Variants in DNAH6 observed in about 807,000 individuals in gnomAD.
DNAH6 encodes axonemal beta dynein heavy chain 6.
DNAH6 carries 340 observed loss-of-function variants against 491.4 expected under a neutral mutation model. That is an observed-to-expected ratio of 0.69 (90% CI 0.63 to 0.76). The LOEUF is 0.76. Among genes scored for constraint, DNAH6 ranks in the 30% least tolerant of loss-of-function variants. DNAH6 has a pLI of 0.00. For synonymous variants in DNAH6, 1,603 were observed against 1,686.1 expected, an observed-to-expected ratio of 0.95 and a Z score of 1.21; for missense variants, 4,443 against 4,972.2, an observed-to-expected ratio of 0.89 and a Z score of 3.20.
At position 84,701,141 on chromosome 2, in the gene DNAH6, A is replaced by C. The variant is rs1165456604; in HGVS notation, c.7863A>C (p.Ser2621=). The change falls in exon 49 of 77, where the codon TCA becomes TCC. Residue 2621 remains serine (S), a synonymous_variant. Coordinates refer to ENST00000389394, the MANE Select transcript of DNAH6 (RefSeq NM_001370.2). ...TTTCTGTGTCAAAGACATTTTTCTC[A>C]CAAGTCGATGCTGGAAATGAAGAAC... is the stretch of plus-strand genomic sequence containing the variant. ...ALLSVSKTFF[S]QVDAGNEELK... is the part of the protein sequence containing the mutation. 1 of 1,551,716 alleles carries C rather than the reference A, an allele frequency of 6.4e-7. No individual in the cohort carries two copies. Among genetic ancestry groups the C allele is most frequent in the East Asian group, 2.4e-5 (1 of 40,928 alleles).
chr2:84,678,739 G>T (rs949058276), intron 41 of DNAH6, among the ~76,000 whole-genome samples: 3 of 152,108 alleles, frequency 2.0e-5, no homozygotes, highest in African/African-American at 7.2e-5. Flanking sequence ...CTAAAAACTG[G>T]CTGTGATAAG....
intron 74 of DNAH6, among the ~76,000 whole-genome samples, chr2:84,813,669 G>T (rs1407068851): frequency 1.3e-5 from 2 of 152,174 alleles, no homozygotes; most frequent in Non-Finnish European, 2.9e-5. Context: ...TAGCGAGATT[G>T]GGCTCTGAAA....
intron 64 of DNAH6, among the ~76,000 whole-genome samples, chr2:84,774,314 A>G (rs1675916695): frequency 6.6e-6 from 1 of 152,136 alleles, no homozygotes; most frequent in African/African-American, 2.4e-5. Context: ...CATTTATTAA[A>G]CAGAAAATCT....
chr2:84,502,294 C>T, the DNAH6 span, among the ~76,000 whole-genome samples: 4 of 152,084 alleles, frequency 2.6e-5, no homozygotes, highest in East Asian at 3.8e-4. Context: ...TCATTCGGAG[C>T]GTATTGTTTA....
At chr2:84,529,236 G>T in intron 4 of DNAH6, 70 bp downstream of exon 4, 2 of 1,130,390 alleles carry the variant, frequency 1.8e-6, no homozygotes, top group South Asian at 1.8e-5. Context: ...ATTTATAATT[G>T]ATTGGATATT....
chr2:84,699,205 A>C (rs1024900923), intron 47 of DNAH6, among the ~76,000 whole-genome samples: 3 of 152,054 alleles, frequency 2.0e-5, no homozygotes, highest in Non-Finnish European at 4.4e-5. Flanking sequence ...GAAAAAAAAA[A>C]ACTCCCATAC....
Position 84,704,067 on chromosome 2 carries a change from G to T in DNAH6, c.8230G>T (p.Val2744Phe). 1 of 1,551,148 alleles carries T rather than the reference G, an allele frequency of 6.4e-7. No homozygotes were observed. The highest frequency in any genetic ancestry group is 2.4e-5 in the East Asian group (1 of 40,906). Residue 2744 changes from valine to phenylalanine, a missense_variant and splice_region_variant, in exon 51 of 77, where the codon GTC (valine) becomes TTC (phenylalanine). Around this residue, in one of 3 missense-constraint regions of DNAH6, gnomAD observed 2,977 missense variants for 3,296.6 expected, o/e 0.90. Transcript: ENST00000389394. ...LAVDQESADQVRNTVQEDEAT... is the reference protein window; with the variant it reads ...LAVDQESADQFRNTVQEDEAT... ...TAAGCAGTCATGTTTCAATGGTTAG[G>T]TCCGTAACACTGTGCAGGAGGATGA...
At chr2:84,460,917 C>T in the DNAH6 span, among the ~76,000 whole-genome samples, 1 of 152,124 alleles carries the variant, frequency 6.6e-6, no homozygotes, top group African/African-American at 2.4e-5. Flanking sequence ...CTTTCCTGGG[C>T]CTTGAAGCAT....
the DNAH6 span, among the ~76,000 whole-genome samples, chr2:84,473,092 G>A: frequency 2.6e-5 from 4 of 152,090 alleles, no homozygotes; most frequent in East Asian, 1.9e-4. Context: ...AAAGAGTAAC[G>A]GCCCCTTTGG....
chr2:84,621,463 TGTG>T lies in DNAH6; in HGVS notation c.3987_3989del (p.Trp1329del). 1 of 1,539,744 alleles carries T rather than the reference TGTG, an allele frequency of 6.5e-7. No individual in the cohort carries two copies. The highest frequency in any genetic ancestry group is 1.4e-5 in the African/African-American group (1 of 73,006). ...GTTATCCTGACTGTTTCTCAAATTATGTGGTGCCGTGATTTGACTGAATGTCTG... is the reference window on the plus strand; with the variant it reads ...GTTATCCTGACTGTTTCTCAAATTATGTGCCGTGATTTGACTGAATGTCTG... On this transcript the variant is annotated inframe_deletion, in exon 26 of 77. Coordinates refer to ENST00000389394, the MANE Select transcript of DNAH6 (RefSeq NM_001370.2).
At chr2:84,492,919 A>G in the DNAH6 span, among the ~76,000 whole-genome samples, 1 of 152,190 alleles carries the variant, frequency 6.6e-6, no homozygotes, top group Non-Finnish European at 1.5e-5. Flanking sequence ...CAGCAATGAG[A>G]AATTTTCTAG....
chr2:84,814,184 G>A, intron 75 of DNAH6, 62 bp downstream of exon 75: 2 of 1,507,874 alleles, frequency 1.3e-6, no homozygotes, highest in South Asian at 2.5e-5. Flanking sequence ...GAAGATTTCA[G>A]ACAACCTTCC....
In DNAH6 at chr2:84,673,180, A is replaced by G. The variant is rs182642039; in HGVS notation, c.6612+696A>G. The stretch of plus-strand genomic sequence containing the variant: ...GGAAAGGGAGCGTTTTACACCCCAG[A>G]AGCAGGGAATGTAAAATACTACGGT... On this transcript the variant is annotated intron_variant, in intron 40 of 76. Transcript: ENST00000389394. Among the ~76,000 whole-genome samples, 538 of 152,260 alleles carry G rather than the reference A, an allele frequency of 3.5e-3. 1 individual carries two copies. The highest frequency in any genetic ancestry group is 0.012 in the African/African-American group (490 of 41,550).
chr2:84,648,705 C>T (rs145817197), intron 33 of DNAH6, among the ~76,000 whole-genome samples: 8 of 152,306 alleles, frequency 5.3e-5, no homozygotes, highest in African/African-American at 1.9e-4. Context: ...TGAGGAGTTG[C>T]TTCTTATGGA....
At chr2:84,548,663 T>C (rs1679035418) in intron 8 of DNAH6, among the ~76,000 whole-genome samples, 1 of 152,042 alleles carries the variant, frequency 6.6e-6, no homozygotes, top group African/African-American at 2.4e-5. Flanking sequence ...TTCACCACAT[T>C]GTTCATGAAT....
Position 84,547,352 on chromosome 2 carries a change from A to G in DNAH6, c.1015A>G (p.Thr339Ala). 1 of 1,551,744 alleles carries G rather than the reference A, an allele frequency of 6.4e-7. No individual in the cohort carries two copies. The highest frequency in any genetic ancestry group is 8.7e-7 in the Non-Finnish European group (1 of 1,146,940). Residue 339 changes from threonine to alanine, a missense_variant, in exon 6 of 77, where the codon ACC becomes GCC. This residue lies in a region of DNAH6 where 2,977 missense variants were observed against 3,296.6 expected (regional missense o/e 0.90). Coordinates refer to ENST00000389394, the MANE Select transcript of DNAH6 (RefSeq NM_001370.2). ...MGLCYIEKCH[T>A]YTLQEFKAAQ... ...ACTTTGTTATATTGAAAAGTGTCACACCTACACCCTGCAGGAATTTAAGGC... is the reference window on the plus strand; with the variant it reads ...ACTTTGTTATATTGAAAAGTGTCACGCCTACACCCTGCAGGAATTTAAGGC...
intron 11 of DNAH6, among the ~76,000 whole-genome samples, chr2:84,571,104 T>C (rs1439702115): frequency 1.3e-5 from 2 of 152,202 alleles, no homozygotes; most frequent in African/African-American, 4.8e-5. Context: ...AAAATGAGAA[T>C]ATATGAGTCC....
chr2:84,739,408 G>A lies in DNAH6; in HGVS notation c.10343-5672G>A, dbSNP rs1051247834. ...ATGTCGACCTCTCTAGCAAGATTGGGGAAATTTTCCTGAATTATATCCTCA... is the reference window on the plus strand; with the variant it reads ...ATGTCGACCTCTCTAGCAAGATTGGAGAAATTTTCCTGAATTATATCCTCA... On this transcript the variant is annotated intron_variant, in intron 62 of 76. Transcript: ENST00000389394. 5.9e-5 allele frequency among the ~76,000 whole-genome samples: 9 copies of A among 152,116 alleles called. No homozygotes were observed. In the South Asian group the frequency reaches 1.9e-3, roughly 32 times the overall value.
At chr2:84,722,428 C>G (rs576568186) in intron 59 of DNAH6, among the ~76,000 whole-genome samples, 197 bp from the exon 60 acceptor site, 32 of 152,292 alleles carry the variant, frequency 2.1e-4, no homozygotes, top group Admixed American at 4.6e-4. Flanking sequence ...ATTCCTAACT[C>G]TGGAAGGAAG....
Sources: gnomAD v4.1 joint callset for allele counts (sites outside exome capture counted in the v4.1 genomes callset) on GRCh38, gnomAD v4.1.1 for gene constraint, gnomAD v4.1.1 regional missense constraint, MANE v1.5 for transcripts, NCBI Gene and HGNC (gene_info 2026-07-23, HGNC 2026-07-21) for gene names.